The following CNTNAP2 variants were observed in gnomAD, a reference collection of about 807,000 sequenced individuals.
CNTNAP2 encodes contactin-associated protein-like 2.
A neutral mutation model predicts 155.2 loss-of-function variants in CNTNAP2; 98 were observed. The observed-to-expected ratio is 0.63, with a 90% CI of 0.54 to 0.75. CNTNAP2 has a LOEUF of 0.75. Among genes scored for constraint, CNTNAP2 ranks in the 30% least tolerant of loss-of-function variants. The pLI is 0.00. For synonymous variants in CNTNAP2, 651 were observed against 631.2 expected (o/e 1.03, Z -0.47); for missense variants, 1,727 against 1,688.1 (o/e 1.02, Z -0.40).
chr7:146,581,757 A>G (rs1350420055), intron 1 of CNTNAP2, among the ~76,000 whole-genome samples: 1 of 152,136 alleles, frequency 6.6e-6, no homozygotes, highest in African/African-American at 2.4e-5. Context: ...AGCTACTTTA[A>G]TCATACATTT....
chr7:147,454,422 T>C (rs1797886211), intron 10 of CNTNAP2, among the ~76,000 whole-genome samples: 1 of 152,186 alleles, frequency 6.6e-6, no homozygotes, highest in Admixed American at 6.6e-5. Flanking sequence ...CAGTATTTTG[T>C]GATTTTCTTT....
At chr7:146,785,017 T>C (rs1463959347) in intron 2 of CNTNAP2, among the ~76,000 whole-genome samples, 2 of 151,230 alleles carry the variant, frequency 1.3e-5, no homozygotes, top group South Asian at 2.1e-4. Context: ...TCACCCAGGC[T>C]AGAGTGCAGT....
intron 21 of CNTNAP2, among the ~76,000 whole-genome samples, chr7:148,327,900 C>A (rs1297954218): frequency 6.6e-6 from 1 of 152,166 alleles, no homozygotes; most frequent in Middle Eastern, 3.2e-3. Context: ...TGGATCCACT[C>A]ACATGGATCT....
At position 146,398,184 on chromosome 7, in the gene CNTNAP2, C is replaced by CTTTTTTTTTTTTTT. The variant is rs34144986; in HGVS notation, c.97+281220_97+281233dup. On this transcript the variant is annotated intron_variant, in intron 1 of 23. Coordinates refer to ENST00000361727, the MANE Select transcript of CNTNAP2 (RefSeq NM_014141.6). ...GTGAGCACCTATACCCGGCCCCAAACTTTTTTTTTTTTTTTTTTTTTTAGC... is the reference window on the plus strand; with the variant it reads ...GTGAGCACCTATACCCGGCCCCAAACTTTTTTTTTTTTTTTTTTTTTTTTTTTTTTTTTTTTAGC... 7.5e-5 allele frequency among the ~76,000 whole-genome samples: 8 copies of CTTTTTTTTTTTTTT among 107,032 alleles called. 1 individual carries two copies. Among genetic ancestry groups the CTTTTTTTTTTTTTT allele is most frequent in the African/African-American group, 2.9e-4 (7 of 24,396 alleles). 70.2% of individuals were successfully genotyped at this position (107,032 alleles called of 152,430 possible). A position where few individuals can be genotyped will look rare whatever the true frequency, so the allele number is the denominator to read the frequency against.
chr7:147,174,824 T>C (rs1469942129), intron 8 of CNTNAP2, among the ~76,000 whole-genome samples: 1 of 152,184 alleles, frequency 6.6e-6, no homozygotes, highest in African/African-American at 2.4e-5. Flanking sequence ...CTATATATGC[T>C]GTAAACCTTT....
intron 2 of CNTNAP2, among the ~76,000 whole-genome samples, chr7:146,805,341 G>A (rs530290115): frequency 2.0e-5 from 3 of 152,266 alleles, no homozygotes; most frequent in South Asian, 2.1e-4. Flanking sequence ...TAGGCATAGG[G>A]TAGGCCTCTA....
intron 2 of CNTNAP2, among the ~76,000 whole-genome samples, chr7:146,815,036 T>G (rs1449406063): frequency 6.6e-6 from 1 of 152,194 alleles, no homozygotes; most frequent in Non-Finnish European, 1.5e-5. Context: ...ACATGTACCT[T>G]CAATTCTTCA....
chr7:147,213,570 G>A (rs1473949691), intron 8 of CNTNAP2, among the ~76,000 whole-genome samples: 19 of 141,630 alleles, frequency 1.3e-4, no homozygotes, highest in Non-Finnish European at 2.3e-4. Flanking sequence ...TGCCCTCATC[G>A]CAAAAAAAAA....
At chr7:148,329,935 C>T (rs936318101) in intron 21 of CNTNAP2, among the ~76,000 whole-genome samples, 32 of 152,344 alleles carry the variant, frequency 2.1e-4, no homozygotes, top group African/African-American at 4.1e-4. Context: ...CCCTTACCCC[C>T]GTCTGGCCTG....
intron 10 of CNTNAP2, among the ~76,000 whole-genome samples, chr7:147,446,210 C>T (rs550316071): frequency 2.0e-5 from 3 of 151,634 alleles, no homozygotes; most frequent in Non-Finnish European, 2.9e-5. Context: ...CTCCTCCCCC[C>T]ACCCCTCACT....
At chr7:146,924,710 A>AT (rs1241242462) in intron 3 of CNTNAP2, among the ~76,000 whole-genome samples, 1 of 152,036 alleles carries the variant, frequency 6.6e-6, no homozygotes, top group East Asian at 1.9e-4. Context: ...ACCTGACACT[A>AT]TTTTTTGAAA....
At chr7:148,382,344 C>G (rs1344184968) in intron 21 of CNTNAP2, among the ~76,000 whole-genome samples, 7 of 152,238 alleles carry the variant, frequency 4.6e-5, no homozygotes, top group Admixed American at 4.6e-4. Flanking sequence ...GAAGACAGCT[C>G]TTTAAGAAGT....
intron 18 of CNTNAP2, among the ~76,000 whole-genome samples, chr7:148,184,099 A>G (rs980044109): frequency 6.6e-6 from 1 of 152,164 alleles, no homozygotes; most frequent in Non-Finnish European, 1.5e-5. Flanking sequence ...TTCTGCCTTA[A>G]AGATAACTTT....
At chr7:147,329,400 T>G (rs1162093408) in intron 9 of CNTNAP2, among the ~76,000 whole-genome samples, 4 of 152,084 alleles carry the variant, frequency 2.6e-5, no homozygotes, top group African/African-American at 9.7e-5. Flanking sequence ...TATATATACA[T>G]TCTTATAATT....
At chr7:147,560,535 T>TA (rs1800042714) in intron 11 of CNTNAP2, among the ~76,000 whole-genome samples, 1 of 152,192 alleles carries the variant, frequency 6.6e-6, no homozygotes, top group African/African-American at 2.4e-5. Context: ...TATTAATAAT[T>TA]ACACTGGGAC....
chr7:147,421,241 A>G (rs2116508155), intron 10 of CNTNAP2, among the ~76,000 whole-genome samples: 1 of 152,200 alleles, frequency 6.6e-6, no homozygotes, highest in South Asian at 2.1e-4. Flanking sequence ...CACTGAGAGG[A>G]TTTTCTAATA....
intron 12 of CNTNAP2, among the ~76,000 whole-genome samples, chr7:147,602,966 A>G (rs1247857812): frequency 1.3e-5 from 2 of 152,188 alleles, no homozygotes; most frequent in East Asian, 3.9e-4. Context: ...GCATGTATGT[A>G]GCAGCATGAT....
intron 20 of CNTNAP2, among the ~76,000 whole-genome samples, chr7:148,263,750 A>AG (rs1491203567): frequency 6.8e-6 from 1 of 147,516 alleles, no homozygotes; most frequent in Non-Finnish European, 1.5e-5. Context: ...AAAAAAAAAA[A>AG]GAAAGAAAGA....
At chr7:146,785,952 C>T (rs1178243073) in intron 2 of CNTNAP2, among the ~76,000 whole-genome samples, 1 of 152,152 alleles carries the variant, frequency 6.6e-6, no homozygotes, top group Non-Finnish European at 1.5e-5. Flanking sequence ...ATAAGAAATA[C>T]ATTCTGTAAC....
Sources: allele counts gnomAD v4.1 joint callset (sites outside exome capture counted in the v4.1 genomes callset), GRCh38; gene constraint gnomAD v4.1.1; transcripts MANE v1.5; gene names NCBI Gene and HGNC (gene_info 2026-07-23, HGNC 2026-07-21).